KLHDC4: variants seen among roughly 807,000 people sequenced by gnomAD.
KLHDC4 encodes kelch domain containing 4.
A neutral mutation model predicts 62.4 loss-of-function variants in KLHDC4; 90 were observed. The ratio of observed to expected loss-of-function variants is 1.44; its 90% CI spans 1.22 to 1.72. The LOEUF (loss-of-function observed/expected upper bound fraction) is 1.72. KLHDC4 is among the 40% of genes most tolerant of loss of function. KLHDC4 has a pLI of 0.00. For missense variants in KLHDC4, 1,025 were observed against 699.7 expected (o/e 1.47, Z -5.25); for synonymous variants, 386 against 284.4 (o/e 1.36, Z -3.59).
intron 4 of KLHDC4, among the ~76,000 whole-genome samples, chr16:87,753,459 T>C (rs1205762223): frequency 6.6e-6 from 1 of 152,128 alleles, no homozygotes; most frequent in Admixed American, 6.5e-5. Flanking sequence ...TGCAAGGAAC[T>C]GAATCACCTC....
intron 2 of KLHDC4, among the ~76,000 whole-genome samples, chr16:87,758,320 G>C (rs2045313069): frequency 6.6e-6 from 1 of 152,316 alleles, no homozygotes; most frequent in Non-Finnish European, 1.5e-5. Flanking sequence ...TTGGTCTGCA[G>C]ATGAGTGGAC....
At chr16:87,723,098 C>T (rs1392976515) in intron 7 of KLHDC4, among the ~76,000 whole-genome samples, 1 of 152,232 alleles carries the variant, frequency 6.6e-6, no homozygotes, top group Non-Finnish European at 1.5e-5. Context: ...GAGCTTCCCC[C>T]AGCCCCAAGC....
At chr16:87,733,909 G>C (rs1038289708) in intron 5 of KLHDC4, among the ~76,000 whole-genome samples, 3 of 152,230 alleles carry the variant, frequency 2.0e-5, no homozygotes, top group African/African-American at 4.8e-5. Flanking sequence ...GCAAAGGATG[G>C]TTACAGCTTC....
chr16:87,703,141 G>C (rs2034241631), downstream of KLHDC4: 1 of 152,272 alleles, frequency 6.6e-6, no homozygotes, highest in Non-Finnish European at 1.5e-5. Context: ...TGTGGACAGA[G>C]CTAGTCGGCA....
intron 7 of KLHDC4, among the ~76,000 whole-genome samples, chr16:87,722,858 C>T (rs1056325758): frequency 6.6e-6 from 1 of 152,250 alleles, no homozygotes; most frequent in Non-Finnish European, 1.5e-5. Flanking sequence ...GGGCAGGGGT[C>T]AGGCACTCTC....
chr16:87,718,196 T>A (rs934046398), intron 7 of KLHDC4, among the ~76,000 whole-genome samples: 1 of 152,226 alleles, frequency 6.6e-6, no homozygotes, highest in Non-Finnish European at 1.5e-5. Context: ...CCTCTGTTTT[T>A]CTGGATCACC....
At chr16:87,762,548 CTTAT>C (rs747948188) in intron 1 of KLHDC4, among the ~76,000 whole-genome samples, 11 of 152,236 alleles carry the variant, frequency 7.2e-5, no homozygotes, top group South Asian at 6.2e-4. Flanking sequence ...ATTTCTCTTG[CTTAT>C]TTGTTTCCTC....
chr16:87,708,435 C>T lies in KLHDC4; in HGVS notation c.1479G>A (p.Ser493=), dbSNP rs147054651. The T allele has an allele frequency of 9.9e-6, 16 of 1,611,012 alleles. No individual in the cohort carries two copies. The African/African-American group carries it at 1.1e-4, about 11-fold the overall frequency. The change falls in exon 11 of 12, where the codon TCG becomes TCA. Residue 493 remains serine, a synonymous_variant. Coordinates refer to ENST00000270583, the MANE Select transcript of KLHDC4 (RefSeq NM_017566.4). ...ETQEWLEETD[S]EEDSEEVEGA... is the part of the protein sequence containing the mutation. ...CCTCAACCTCCTCACTGTCCTCTTC[C>T]GAGTCCGTCTCCTCCAGCCACTCCT...
intron 7 of KLHDC4, among the ~76,000 whole-genome samples, chr16:87,724,697 G>C (rs1255590965): frequency 6.6e-6 from 1 of 152,112 alleles, no homozygotes; most frequent in Non-Finnish European, 1.5e-5. Context: ...GTATGAACAG[G>C]GGGCAACTGG....
chr16:87,711,103 C>T (rs1308782645), intron 9 of KLHDC4, 132 bp downstream of exon 9: 1 of 798,932 alleles, frequency 1.3e-6, no homozygotes, highest in African/African-American at 1.7e-5. Context: ...GAGACGGAAC[C>T]CTCGCCCCTC....
intron 6 of KLHDC4, chr16:87,729,471 C>G (rs956656122): frequency 1.3e-5 from 2 of 152,406 alleles, no homozygotes; most frequent in South Asian, 4.1e-4. Flanking sequence ...AGATGACCTT[C>G]ACCAGGGTTG....
intron 8 of KLHDC4, among the ~76,000 whole-genome samples, chr16:87,713,755 G>A (rs1449503053): frequency 1.3e-5 from 2 of 152,190 alleles, no homozygotes; most frequent in African/African-American, 4.8e-5. Flanking sequence ...CTGGGTGCCA[G>A]AGCCATGTAA....
At chr16:87,699,515 G>A (rs774463037) in exon 1 of KLHDC4, 2 of 152,110 alleles carry the variant, frequency 1.3e-5, no homozygotes, top group African/African-American at 2.4e-5. Context: ...CCAACATAGT[G>A]AAACCCCATC....
At chr16:87,718,880 C>T (rs1401128983) in intron 7 of KLHDC4, among the ~76,000 whole-genome samples, 1 of 151,926 alleles carries the variant, frequency 6.6e-6, no homozygotes, top group East Asian at 1.9e-4. Context: ...GGCCGCGACC[C>T]CGTCTGGGAA....
intron 8 of KLHDC4, 32 bp downstream of exon 8, chr16:87,714,466 C>T: frequency 1.2e-6 from 2 of 1,613,052 alleles, no homozygotes; most frequent in East Asian, 2.2e-5. Flanking sequence ...ACAGACCAGC[C>T]AGCTCCCGCC....
chr16:87,707,445 C>A (rs937537633), downstream of KLHDC4, among the ~76,000 whole-genome samples: 7 of 152,204 alleles, frequency 4.6e-5, no homozygotes, highest in Admixed American at 4.6e-4. Flanking sequence ...CCGCTGCACA[C>A]GAGGAGCCCC....
At chr16:87,736,636 C>A (rs533470403) in intron 5 of KLHDC4, among the ~76,000 whole-genome samples, 10 of 152,284 alleles carry the variant, frequency 6.6e-5, no homozygotes, top group Admixed American at 2.6e-4. Context: ...CACTTAATCA[C>A]GTTATGTGGC....
intron 6 of KLHDC4, among the ~76,000 whole-genome samples, chr16:87,729,524 A>G (rs535058395): frequency 6.6e-6 from 1 of 152,334 alleles, no homozygotes; most frequent in Admixed American, 6.5e-5. Flanking sequence ...TGCACTTATG[A>G]CAGAAACAGG....
At chr16:87,756,196 G>C (rs1157073835) in intron 3 of KLHDC4, 2 of 446,524 alleles carry the variant, frequency 4.5e-6, no homozygotes, top group Non-Finnish European at 8.3e-6. Context: ...CAGGAATAGA[G>C]ACCCCAGGAC....
Sources: gnomAD v4.1 joint callset for allele counts (sites outside exome capture counted in the v4.1 genomes callset) on GRCh38, gnomAD v4.1.1 for gene constraint, MANE v1.5 for transcripts, NCBI Gene and HGNC (gene_info 2026-07-23, HGNC 2026-07-21) for gene names.